ZBTB40: variants seen among roughly 807,000 people sequenced by gnomAD.
ZBTB40 encodes the protein zinc finger and BTB domain-containing protein 40.
A neutral mutation model predicts 117.5 loss-of-function variants in ZBTB40; 60 were observed. The observed-to-expected ratio is 0.51, with a 90% confidence interval of 0.41 to 0.63. The LOEUF (loss-of-function observed/expected upper bound fraction) is 0.63, where lower values mean the gene tolerates loss of function less well. Ranked by LOEUF, ZBTB40 falls within the 30% of genes least tolerant of loss-of-function variation. The pLI, the probability that ZBTB40 is intolerant of heterozygous loss-of-function variation, is 0.00. For missense variants in ZBTB40, 1,287 were observed against 1,498.5 expected (o/e 0.86, Z 2.33); for synonymous variants, 525 against 577.1 (o/e 0.91, Z 1.29).
Position 22,511,149 on chromosome 1 carries a change from C to T in ZBTB40, c.1834-30C>T, listed in dbSNP as rs772809312. On this transcript the variant is annotated intron_variant, in intron 9 of 17. Transcript: ENST00000375647. The stretch of plus-strand genomic sequence containing the variant: ...TGGGGAAAATCTGCTGAGATTAACC[C>T]CACACCTTTGTCTCCTGGTATTCAT... 4.3e-6 allele frequency: 7 copies of T among 1,612,966 alleles called. No individual in the cohort carries two copies. In the Admixed American group the frequency reaches 1.2e-4, roughly 27 times the overall value.
chr1:22,494,217 A>T (rs933285530), intron 3 of ZBTB40, among the ~76,000 whole-genome samples: 1 of 152,086 alleles, frequency 6.6e-6, no homozygotes, highest in African/African-American at 2.4e-5. Flanking sequence ...CTGACACGAG[A>T]TGGTTTGCTG....
At position 22,501,701 on chromosome 1, in the gene ZBTB40, T is replaced by C. The variant is rs763431551; in HGVS notation, c.1024+17T>C. 2.5e-6 allele frequency: 4 copies of C among 1,611,630 alleles called. No homozygotes were observed. The highest frequency in any genetic ancestry group is 3.4e-6 in the Non-Finnish European group (4 of 1,179,152). ...AGCCAAAAGGTAGGAGAAGATCCTA[T>C]GCATTGGAATGGCAGGGTTTTATTT... On this transcript the variant is annotated intron_variant, in intron 4 of 17. Coordinates refer to ENST00000375647, the MANE Select transcript of ZBTB40 (RefSeq NM_014870.4).
intron 12 of ZBTB40, among the ~76,000 whole-genome samples, chr1:22,515,548 G>A (rs12563128): frequency 0.32 from 49,237 of 151,922 alleles, 8,608 homozygotes; most frequent in East Asian, 0.46. Context: ...GCCCCTAGAC[G>A]TTGCCCGCAT....
In ZBTB40 at chr1:22,528,188, G is replaced by C. The variant is rs1204912130; in HGVS notation, c.*1792G>C. On this transcript the variant is annotated 3_prime_UTR_variant, in exon 18 of 18. Transcript: ENST00000375647. ...CGTCCTGGGAACTGTCAGTCTGGGA[G>C]AGCTCTTGATCTGCAGGTGGCAAAA... The C allele has an allele frequency of 6.5e-6, 1 of 152,750 alleles. No individual in the cohort carries two copies. The highest frequency in any genetic ancestry group is 1.5e-5 in the Non-Finnish European group (1 of 68,068). 9.5% of individuals were successfully genotyped at this position (152,750 alleles called of 1,614,324 possible).
At chr1:22,460,099 C>T (rs56303936) in intron 1 of ZBTB40, among the ~76,000 whole-genome samples, 1 of 152,166 alleles carries the variant, frequency 6.6e-6, no homozygotes, top group Non-Finnish European at 1.5e-5. Flanking sequence ...ATATTGTTCC[C>T]TAAATCTCCT....
intron 17 of ZBTB40, 54 bp from the exon 18 acceptor site, chr1:22,526,148 A>G: frequency 1.9e-6 from 3 of 1,593,966 alleles, no homozygotes; most frequent in Non-Finnish European, 2.6e-6. Flanking sequence ...CATGTAAATC[A>G]GGGAGCCAAC....
chr1:22,444,400 G>GA (rs1557474432), intron 1 of ZBTB40, among the ~76,000 whole-genome samples: 1 of 152,110 alleles, frequency 6.6e-6, no homozygotes, highest in Non-Finnish European at 1.5e-5. Context: ...GGGCGACAGA[G>GA]AGAGACTCCG....
Position 22,529,844 on chromosome 1 carries a change from G to A in ZBTB40, c.*3448G>A, listed in dbSNP as rs1412986780. ...GCCTCGGGCTAGAGTTCTGATAATC[G>A]GGGCTGAGGGGTGAAAAGAAATCCA... is the stretch of plus-strand genomic sequence containing the variant. On this transcript the variant is annotated 3_prime_UTR_variant, in exon 18 of 18. Transcript: ENST00000375647. 1.3e-5 allele frequency: 2 copies of A among 152,066 alleles called. No homozygotes were observed. Among genetic ancestry groups the A allele is most frequent in the African/African-American group, 2.4e-5 (1 of 41,354 alleles). 9.4% of individuals were successfully genotyped at this position (152,066 alleles called of 1,614,324 possible).
In ZBTB40 at chr1:22,465,447, C is replaced by T. The variant is rs72651305; in HGVS notation, c.-70+13443C>T. On this transcript the variant is annotated intron_variant, in intron 1 of 17. Transcript: ENST00000375647. ...CAGTTGGCCCATGGGTGGCCATGGG[C>T]GGGCCTGGAAAAGGCACCAGTTCCC... is the stretch of plus-strand genomic sequence containing the variant. Among the ~76,000 whole-genome samples the T allele has an allele frequency of 6.3e-3, 958 of 152,180 alleles. 2 individuals carry two copies. The highest frequency in any genetic ancestry group is 0.014 in the Middle Eastern group (4 of 294).
intron 1 of ZBTB40, among the ~76,000 whole-genome samples, chr1:22,470,383 G>C (rs963332182): frequency 2.0e-5 from 3 of 152,156 alleles, no homozygotes; most frequent in African/African-American, 7.2e-5. Flanking sequence ...GAAGTGTGTG[G>C]GAGAAAGGAG....
intron 1 of ZBTB40, among the ~76,000 whole-genome samples, chr1:22,479,655 T>C (rs1171703542): frequency 1.3e-5 from 2 of 152,248 alleles, no homozygotes; most frequent in Non-Finnish European, 2.9e-5. Flanking sequence ...AGAAAATTCC[T>C]AGATATGTCT....
chr1:22,460,141 T>A (rs1641098089), intron 1 of ZBTB40, among the ~76,000 whole-genome samples: 1 of 152,160 alleles, frequency 6.6e-6, no homozygotes, highest in South Asian at 2.1e-4. Context: ...TTTCTCACTC[T>A]CACCTCTTAG....
At chr1:22,503,841 T>C (rs1431495812) in intron 5 of ZBTB40, among the ~76,000 whole-genome samples, 1 of 152,242 alleles carries the variant, frequency 6.6e-6, no homozygotes, top group Non-Finnish European at 1.5e-5. Context: ...TCTTTAGTGA[T>C]TTCATTCGAT....
intron 10 of ZBTB40, 106 bp downstream of exon 10, chr1:22,511,453 C>A: frequency 6.8e-7 from 1 of 1,461,146 alleles, no homozygotes. Flanking sequence ...CCTTAAGTTA[C>A]GTATTCATTT....
chr1:22,459,273 A>C (rs995592878), intron 1 of ZBTB40, among the ~76,000 whole-genome samples: 12 of 152,064 alleles, frequency 7.9e-5, no homozygotes, highest in African/African-American at 2.9e-4. Flanking sequence ...TATTTGCCCC[A>C]CTCTCAATTT....
At chr1:22,506,001 T>A in intron 5 of ZBTB40, 48 bp from the exon 6 acceptor site, 1 of 1,603,342 alleles carries the variant, frequency 6.2e-7, no homozygotes, top group South Asian at 1.1e-5. Context: ...GTCAGATAAA[T>A]GTTGAATTGC....
At chr1:22,517,903 C>T (rs1639418085) in intron 13 of ZBTB40, among the ~76,000 whole-genome samples, 1 of 152,216 alleles carries the variant, frequency 6.6e-6, no homozygotes, top group Admixed American at 6.5e-5. Context: ...TAAAAACCTC[C>T]CGCCCAGCAT....
At chr1:22,433,962 T>C (rs1204584318) in intron 1 of ZBTB40, among the ~76,000 whole-genome samples, 2 of 152,074 alleles carry the variant, frequency 1.3e-5, no homozygotes, top group African/African-American at 4.8e-5. Flanking sequence ...TTAGTACACA[T>C]GCAGGTATGT....
intron 1 of ZBTB40, among the ~76,000 whole-genome samples, chr1:22,471,190 C>T (rs1641395043): frequency 6.6e-6 from 1 of 152,176 alleles, no homozygotes; most frequent in Non-Finnish European, 1.5e-5. Flanking sequence ...TTCTGGCAGC[C>T]AGCCAGCTGG....
Sources: allele counts gnomAD v4.1 joint callset (sites outside exome capture counted in the v4.1 genomes callset), GRCh38; gene constraint gnomAD v4.1.1; transcripts MANE v1.5; gene names NCBI Gene and HGNC (gene_info 2026-07-23, HGNC 2026-07-21).